Variants in ZNF420 observed in about 807,000 individuals in gnomAD.
ZNF420 encodes the protein ATM and p53-associated KZNF protein.
Under a neutral mutation model 44.7 loss-of-function variants are expected in ZNF420, and 31 were observed. The ratio of observed to expected loss-of-function variants is 0.69; its 90% CI spans 0.52 to 0.94. ZNF420 has a LOEUF of 0.94. ZNF420 is among the 40% of genes least tolerant of loss of function. The pLI is 0.00. For missense variants in ZNF420, 681 were observed against 827.9 expected (o/e 0.82, Z 2.18); for synonymous variants, 245 against 267.4 (o/e 0.92, Z 0.82).
chr19:37,127,081 TA>T (rs1025249409), intron 4 of ZNF420, 46 bp from the exon 5 acceptor site: 1 of 1,422,598 alleles, frequency 7.0e-7, no homozygotes, highest in African/African-American at 1.4e-5. Context: ...TTGTCTTTTC[TA>T]TAGAAGTTAT....
Position 37,129,248 on chromosome 19 carries a change from AT to A in ZNF420, c.*192del, listed in dbSNP as rs952553097. 32 of 663,624 alleles carry A rather than the reference AT, an allele frequency of 4.8e-5. No homozygotes were observed. Among genetic ancestry groups the A allele is most frequent in the Non-Finnish European group, 6.9e-5 (28 of 404,486 alleles). 41.1% of individuals were successfully genotyped at this position (663,624 alleles called of 1,614,324 possible). On this transcript the variant is annotated 3_prime_UTR_variant, in exon 5 of 5. Transcript: ENST00000337995. ...CTGGAAACCTATTAAACATTAGCAA[AT>A]TGGAGAATAGTTTTAATATAGTAAA...
chr19:37,097,878 T>C (rs993113473), intron 4 of ZNF420, among the ~76,000 whole-genome samples: 1 of 152,238 alleles, frequency 6.6e-6, no homozygotes, highest in African/African-American at 2.4e-5. Context: ...TTCAATGCTG[T>C]TATACTAGTT....
chr19:37,045,832 G>T (rs919511996), intron 1 of ZNF420, among the ~76,000 whole-genome samples: 2 of 152,158 alleles, frequency 1.3e-5, no homozygotes, highest in African/African-American at 4.8e-5. Context: ...ATAAATGTTT[G>T]CTGACTAATA....
intron 1 of ZNF420, among the ~76,000 whole-genome samples, chr19:37,050,265 G>A (rs113600277): frequency 6.6e-6 from 1 of 152,056 alleles, no homozygotes; most frequent in East Asian, 1.9e-4. Context: ...AGTCATTGGT[G>A]GCTTGATGGG....
At chr19:37,018,354 A>G (rs933868383) in intron 1 of ZNF420, among the ~76,000 whole-genome samples, 1 of 152,290 alleles carries the variant, frequency 6.6e-6, no homozygotes, top group Admixed American at 6.5e-5. Flanking sequence ...AACCCTAAAA[A>G]CTAGGAATAA....
intron 1 of ZNF420, chr19:37,024,807 C>G (rs561129059): frequency 6.6e-6 from 1 of 152,310 alleles, no homozygotes; most frequent in Non-Finnish European, 1.5e-5. Flanking sequence ...TTCTCGAACT[C>G]CTGAGTTCAA....
chr19:37,073,762 A>AG (rs1555753514), upstream of ZNF420, among the ~76,000 whole-genome samples: 11 of 151,470 alleles, frequency 7.3e-5, no homozygotes, highest in East Asian at 1.9e-4. Flanking sequence ...AAAAAAAAAA[A>AG]AAAAGAAAAG....
chr19:37,107,397 A>G (rs1970153192), intron 4 of ZNF420: 2 of 152,252 alleles, frequency 1.3e-5, no homozygotes. Context: ...TTTTTAACAA[A>G]GTACATCCTG....
chr19:37,115,251 A>C (rs1039552264), intron 4 of ZNF420: 1 of 156,516 alleles, frequency 6.4e-6, no homozygotes, highest in Non-Finnish European at 1.4e-5. Flanking sequence ...AGGTGGAATG[A>C]GAGACTTGAG....
At chr19:37,102,849 CA>C (rs1167065837) in intron 4 of ZNF420, among the ~76,000 whole-genome samples, 1 of 152,130 alleles carries the variant, frequency 6.6e-6, no homozygotes, top group Non-Finnish European at 1.5e-5. Context: ...TTTTTCTCTC[CA>C]GTGCTTTGGA....
chr19:37,053,904 T>G (rs1475902996), intron 1 of ZNF420, among the ~76,000 whole-genome samples: 2 of 152,218 alleles, frequency 1.3e-5, no homozygotes, highest in African/African-American at 4.8e-5. Flanking sequence ...CACGGACATT[T>G]AAGTCTGCAG....
At chr19:37,080,809 C>A (rs113775706) in intron 2 of ZNF420, among the ~76,000 whole-genome samples, 166 of 152,026 alleles carry the variant, frequency 1.1e-3, no homozygotes, top group African/African-American at 3.6e-3. Flanking sequence ...ATAATCCCAG[C>A]ACTTTGGGAG....
intron 1 of ZNF420, among the ~76,000 whole-genome samples, chr19:37,033,491 T>C (rs1280044818): frequency 1.3e-5 from 2 of 152,226 alleles, no homozygotes; most frequent in African/African-American, 4.8e-5. Context: ...TTCTTTCACT[T>C]AGTCTTATGT....
chr19:37,092,711 C>T (rs1041985358), intron 4 of ZNF420: 5 of 137,104 alleles, frequency 3.6e-5, no homozygotes, highest in African/African-American at 1.2e-4. Flanking sequence ...GAGACTCTGT[C>T]TCAAAAAAAA....
At chr19:37,059,933 G>A (rs549374278) in intron 1 of ZNF420, among the ~76,000 whole-genome samples, 6 of 152,148 alleles carry the variant, frequency 3.9e-5, no homozygotes, top group African/African-American at 1.2e-4. Context: ...GTGTGCCCAT[G>A]AGCGTGTGTG....
chr19:37,057,248 C>T (rs1244753499), intron 1 of ZNF420, among the ~76,000 whole-genome samples: 1 of 152,216 alleles, frequency 6.6e-6, no homozygotes, highest in East Asian at 1.9e-4. Flanking sequence ...GCATCCAAGC[C>T]TCAGGCCTGC....
At chr19:37,073,105 G>A (rs1184935491) in intron 1 of ZNF420, among the ~76,000 whole-genome samples, 1 of 152,102 alleles carries the variant, frequency 6.6e-6, no homozygotes, top group Non-Finnish European at 1.5e-5. Flanking sequence ...AGTACTTTGG[G>A]AGGCTGAGGG....
intron 4 of ZNF420, chr19:37,107,132 T>A (rs1470240608): frequency 6.6e-6 from 1 of 152,196 alleles, no homozygotes; most frequent in Non-Finnish European, 1.5e-5. Context: ...CAAAGAGGCC[T>A]TCCTCTTTTA....
At chr19:37,047,997 G>A (rs995130023) in intron 1 of ZNF420, among the ~76,000 whole-genome samples, 2 of 152,126 alleles carry the variant, frequency 1.3e-5, no homozygotes, top group African/African-American at 4.8e-5. Context: ...TGTTAGAGAG[G>A]GAAAGTACAG....
Sources: gnomAD v4.1 joint callset for allele counts (sites outside exome capture counted in the v4.1 genomes callset) on GRCh38, gnomAD v4.1.1 for gene constraint, MANE v1.5 for transcripts, NCBI Gene and HGNC (gene_info 2026-07-23, HGNC 2026-07-21) for gene names.